The following ZFR variants were observed in gnomAD, a reference collection of about 807,000 sequenced individuals.
ZFR encodes the protein zinc finger RNA binding protein.
ZFR carries 19 observed loss-of-function variants against 130.7 expected under a neutral mutation model. That is an observed-to-expected ratio of 0.15 (90% CI 0.10 to 0.21). The LOEUF (loss-of-function observed/expected upper bound fraction) is 0.21. ZFR is among the 10% of genes least tolerant of loss of function. The probability of loss-of-function intolerance (pLI) is 1.00; values close to 1 mark genes in which losing one functional copy is unlikely to be tolerated. For missense variants in ZFR, 872 were observed against 1,321.5 expected, an observed-to-expected ratio of 0.66 and a Z score of 5.27; for synonymous variants, 466 against 456.9, an observed-to-expected ratio of 1.02 and a Z score of -0.25.
chr5:32,380,344 C>CA, intron 15 of ZFR, 172 bp from the exon 16 acceptor site: 1 of 477,814 alleles, frequency 2.1e-6, no homozygotes, highest in Non-Finnish European at 3.8e-6. Flanking sequence ...ATATGAGGAA[C>CA]AAAAGGTTAA....
chr5:32,437,449 CTG>C (rs1370307728), intron 2 of ZFR, among the ~76,000 whole-genome samples: 4 of 152,100 alleles, frequency 2.6e-5, no homozygotes, highest in Non-Finnish European at 4.4e-5. Context: ...CATTTTATCT[CTG>C]TATGAATAAA....
chr5:32,361,657 T>C (rs940492788), intron 19 of ZFR, among the ~76,000 whole-genome samples: 2 of 151,066 alleles, frequency 1.3e-5, no homozygotes, highest in African/African-American at 4.9e-5. Flanking sequence ...CTCACTCTGT[T>C]GCCCAGGCTA....
intron 5 of ZFR, among the ~76,000 whole-genome samples, chr5:32,413,056 G>A (rs1056810314): frequency 1.3e-5 from 2 of 152,106 alleles, no homozygotes; most frequent in Non-Finnish European, 1.5e-5. Flanking sequence ...AGGCGTGGTG[G>A]CGCACGCTTG....
At chr5:32,393,197 T>C (rs1753220627) in intron 11 of ZFR, among the ~76,000 whole-genome samples, 1 of 152,196 alleles carries the variant, frequency 6.6e-6, no homozygotes. Flanking sequence ...CTTTTCCCAC[T>C]ATTCTGTGGA....
chr5:32,387,466 G>A (rs1261346416), intron 14 of ZFR, 83 bp downstream of exon 14: 4 of 1,526,416 alleles, frequency 2.6e-6, no homozygotes, highest in Non-Finnish European at 3.5e-6. Context: ...GGCTGGCTTA[G>A]GTTTAAACCG....
intron 15 of ZFR, among the ~76,000 whole-genome samples, chr5:32,383,266 G>C (rs1752971512): frequency 6.6e-6 from 1 of 152,154 alleles, no homozygotes; most frequent in Admixed American, 6.6e-5. Flanking sequence ...CTGAGCTTTT[G>C]AAAACCTTGG....
intron 11 of ZFR, among the ~76,000 whole-genome samples, chr5:32,391,498 T>G (rs527560133): frequency 2.0e-5 from 3 of 151,924 alleles, no homozygotes; most frequent in African/African-American, 7.2e-5. Flanking sequence ...GCCTCTGCTT[T>G]ACTGACCAAC....
Position 32,385,545 on chromosome 5 carries a change from T to C in ZFR, c.2604A>G (p.Thr868=), listed in dbSNP as rs1753025587. Reference sequence around the variant, plus strand: ...TGTTCTCTTCTCGAATAATTGGAGATGTCAGTGTGATAGTGACTTGCATTT... The same window carrying C: ...TGTTCTCTTCTCGAATAATTGGAGACGTCAGTGTGATAGTGACTTGCATTT... The part of the protein sequence containing the change: ...EPKMQVTITL[T]SPIIREENMR... The change falls in exon 15 of 20, where the codon ACA becomes ACG. Residue 868 remains threonine (T), a synonymous_variant. Coordinates refer to ENST00000265069, the MANE Select transcript of ZFR (RefSeq NM_016107.5). 2 of 1,613,378 alleles carry C rather than the reference T, an allele frequency of 1.2e-6. No homozygotes were observed. The highest frequency in any genetic ancestry group is 1.7e-5 in the Admixed American group (1 of 59,990).
Position 32,356,826 on chromosome 5 carries a change from G to A in ZFR, c.3046-887C>T, listed in dbSNP as rs574390689. ...AGAACTTTTATTAATCAGTGGGACC[G>A]CTGAACATATAAAAGTGATGAGTAC... is the stretch of plus-strand genomic sequence containing the variant. On this transcript the variant is annotated intron_variant, in intron 19 of 19. Coordinates refer to ENST00000265069, the MANE Select transcript of ZFR (RefSeq NM_016107.5). 3.2e-4 allele frequency among the ~76,000 whole-genome samples: 48 copies of A among 152,188 alleles called. 1 individual carries two copies. In the Middle Eastern group the frequency reaches 0.01, roughly 32 times the overall value.
At chr5:32,418,574 G>A (rs1476667456) in intron 3 of ZFR, among the ~76,000 whole-genome samples, 2 of 152,164 alleles carry the variant, frequency 1.3e-5, no homozygotes, top group Admixed American at 1.3e-4. Context: ...GAAGTAGCAG[G>A]TAGGGCCCAG....
rs142270374 is a variant in ZFR at position 32,433,114 on chromosome 5, G to A, written c.137+11115C>T. Among the ~76,000 whole-genome samples, 9 of 152,108 alleles carry A rather than the reference G, an allele frequency of 5.9e-5. No individual in the cohort carries two copies. In the East Asian group the frequency reaches 1.7e-3, roughly 29 times the overall value. ...TCACTAGAATGGTGTAGACCACAGG[G>A]GAGCGAGGTGGTTAAATGTCGTATG... is the stretch of plus-strand genomic sequence containing the variant. On this transcript the variant is annotated intron_variant, in intron 2 of 19. Coordinates refer to ENST00000265069, the MANE Select transcript of ZFR (RefSeq NM_016107.5).
At chr5:32,443,393 G>C (rs958775287) in intron 2 of ZFR, among the ~76,000 whole-genome samples, 17 of 152,258 alleles carry the variant, frequency 1.1e-4, no homozygotes, top group Admixed American at 4.6e-4. Context: ...AATCTCACTT[G>C]CATCTTCTTC....
chr5:32,417,297 A>C (rs1753849743), intron 4 of ZFR, among the ~76,000 whole-genome samples: 2 of 152,096 alleles, frequency 1.3e-5, no homozygotes, highest in African/African-American at 4.8e-5. Context: ...GGGCCCATTA[A>C]AGGGTCTCCA....
At chr5:32,427,250 G>T (rs1165182113) in intron 2 of ZFR, among the ~76,000 whole-genome samples, 2 of 151,418 alleles carry the variant, frequency 1.3e-5, no homozygotes, top group Admixed American at 6.6e-5. Flanking sequence ...ACAATTAGTG[G>T]CGCATGATGA....
At chr5:32,369,982 T>C (rs1293610593) in intron 17 of ZFR, among the ~76,000 whole-genome samples, 1 of 152,126 alleles carries the variant, frequency 6.6e-6, no homozygotes, top group Non-Finnish European at 1.5e-5. Context: ...TATGGATTTA[T>C]ATATTCTTGA....
intron 9 of ZFR, 28 bp downstream of exon 9, chr5:32,399,979 A>G: frequency 1.3e-6 from 2 of 1,562,314 alleles, no homozygotes; most frequent in South Asian, 2.4e-5. Context: ...ATCCAATTTC[A>G]CAGCAATGGT....
rs138144299 is a variant in ZFR, at chr5:32,380,303, G to A, written c.2642-131C>T. ...CTTGTTGGCACTTTAATATATCCAC[G>A]GAGTTATTTTCAATAAATTTACATA... On this transcript the variant is annotated intron_variant, in intron 15 of 19. Transcript: ENST00000265069. 9.1e-3 allele frequency: 4,978 copies of A among 547,100 alleles called. 27 individuals are homozygous for A. The highest frequency in any genetic ancestry group is 0.012 in the Non-Finnish European group (3,740 of 299,340). The allele number at this position is 547,100 out of a possible 1,614,324, so 33.9% of individuals were successfully genotyped here. A position where few individuals can be genotyped will look rare whatever the true frequency, so the allele number is the denominator to read the frequency against.
intron 17 of ZFR, among the ~76,000 whole-genome samples, chr5:32,374,803 C>T (rs1051296335): frequency 5.9e-5 from 9 of 151,808 alleles, no homozygotes; most frequent in African/African-American, 2.2e-4. Flanking sequence ...CAAAATTAAC[C>T]ACCAGAGAGA....
chr5:32,389,518 T>C (rs902816571), intron 12 of ZFR, among the ~76,000 whole-genome samples: 1 of 152,132 alleles, frequency 6.6e-6, no homozygotes, highest in Admixed American at 6.5e-5. Context: ...AGCAGTTGCC[T>C]TCAACATCAG....
Sources: gnomAD v4.1 joint callset for allele counts (sites outside exome capture counted in the v4.1 genomes callset) on GRCh38, gnomAD v4.1.1 for gene constraint, MANE v1.5 for transcripts, NCBI Gene and HGNC (gene_info 2026-07-23, HGNC 2026-07-21) for gene names.